Variants in C8orf74 observed in about 807,000 individuals in gnomAD.
C8orf74 encodes chromosome 8 open reading frame 74.
A neutral mutation model predicts 22.2 loss-of-function variants in C8orf74; 29 were observed. The observed-to-expected ratio is 1.31, with a 90% CI of 0.97 to 1.78. C8orf74 has a LOEUF of 1.78. Among genes scored for constraint, C8orf74 ranks in the 40% most tolerant of loss-of-function variants. C8orf74 has a pLI of 0.00. For missense variants in C8orf74, 515 were observed against 369.9 expected, an observed-to-expected ratio of 1.39 and a Z score of -3.22; for synonymous variants, 255 against 163.1, an observed-to-expected ratio of 1.56 and a Z score of -4.30.
intron 2 of C8orf74, chr8:10,691,339 G>A (rs772532179): frequency 7.0e-5 from 13 of 186,054 alleles, no homozygotes; most frequent in Non-Finnish European, 1.5e-4. Context: ...GAGCCTGGCA[G>A]ACTTCTCTTT....
At chr8:10,682,256 C>A (rs1267598121) in intron 2 of C8orf74, among the ~76,000 whole-genome samples, 1 of 152,182 alleles carries the variant, frequency 6.6e-6, no homozygotes, top group South Asian at 2.1e-4. Flanking sequence ...GTCTCCACAG[C>A]GGCCCTAGAT....
chr8:10,680,821 T>C (rs1429583638), intron 2 of C8orf74, among the ~76,000 whole-genome samples: 4 of 152,196 alleles, frequency 2.6e-5, no homozygotes, highest in Admixed American at 2.0e-4. Flanking sequence ...GTCAGGTCCC[T>C]GGCACATTCC....
At chr8:10,697,029 C>G (rs763539257) in intron 2 of C8orf74, among the ~76,000 whole-genome samples, 1 of 150,382 alleles carries the variant, frequency 6.6e-6, no homozygotes, top group Non-Finnish European at 1.5e-5. Flanking sequence ...ATCACATTTA[C>G]ATGATTATAC....
At chr8:10,696,654 G>A (rs146885742) in intron 2 of C8orf74, among the ~76,000 whole-genome samples, 3,186 of 151,734 alleles carry the variant, frequency 0.021, 115 homozygotes, top group African/African-American at 0.069. Context: ...TGCCATGTTG[G>A]CCAAGCTGGT....
chr8:10,695,609 G>A (rs1207953851), intron 2 of C8orf74, among the ~76,000 whole-genome samples: 1 of 152,160 alleles, frequency 6.6e-6, no homozygotes, highest in Non-Finnish European at 1.5e-5. Context: ...TCCATACAGA[G>A]CAAGACAGCC....
chr8:10,698,118 G>C (rs1799572723), intron 3 of C8orf74, 113 bp downstream of exon 3: 1 of 1,066,278 alleles, frequency 9.4e-7, no homozygotes, highest in African/African-American at 1.6e-5. Flanking sequence ...GAGGGGGAGA[G>C]ATGCAGGGAG....
chr8:10,688,694 G>A (rs1014926226), intron 2 of C8orf74: 2 of 152,310 alleles, frequency 1.3e-5, no homozygotes, highest in African/African-American at 4.8e-5. Context: ...GGCCAGTCCG[G>A]GCCCATCCTG....
intron 2 of C8orf74, among the ~76,000 whole-genome samples, chr8:10,694,202 G>A (rs1586049948): frequency 6.6e-6 from 1 of 152,092 alleles, no homozygotes; most frequent in Non-Finnish European, 1.5e-5. Flanking sequence ...CTGAGAGCAG[G>A]GGATATGACT....
At chr8:10,687,137 G>C (rs1381540165) in intron 2 of C8orf74, 1 of 456,316 alleles carries the variant, frequency 2.2e-6, no homozygotes, top group East Asian at 6.9e-5. Context: ...GCAGAGGCCT[G>C]ATGATGGCAA....
intron 2 of C8orf74, among the ~76,000 whole-genome samples, chr8:10,687,436 G>A (rs900363794): frequency 3.9e-5 from 6 of 152,020 alleles, no homozygotes; most frequent in African/African-American, 9.7e-5. Context: ...TATCACCTGA[G>A]ATCAGGAGTT....
Position 10,700,527 on chromosome 8 carries a change from C to G in C8orf74, c.*56C>G, listed in dbSNP as rs1275823766. Reference sequence around the variant, plus strand: ...GGGACCAGCCACCCATAACCATGAGCCTTGCGGCACGGTGAGCTCAGCACC... The same window carrying G: ...GGGACCAGCCACCCATAACCATGAGGCTTGCGGCACGGTGAGCTCAGCACC... On this transcript the variant is annotated 3_prime_UTR_variant, in exon 4 of 4. Coordinates refer to ENST00000304519, the MANE Select transcript of C8orf74 (RefSeq NM_001040032.2). The G allele has an allele frequency of 3.0e-5, 35 of 1,154,600 alleles. No homozygotes were observed. The highest frequency in any genetic ancestry group is 5.5e-5 in the Admixed American group (2 of 36,522). 71.5% of individuals were successfully genotyped at this position (1,154,600 alleles called of 1,614,324 possible).
rs777034726 is a variant in C8orf74, at chr8:10,700,294, G to C, written c.708G>C (p.Leu236=). 9.9e-6 allele frequency: 16 copies of C among 1,613,310 alleles called. No homozygotes were observed. In the Admixed American group the frequency reaches 2.7e-4, roughly 27 times the overall value. The part of the protein sequence containing the change: ...VHTQMELLQE[L]LQRQIQNTFA... ...CCCAGATGGAGCTCCTGCAGGAGCT[G>C]CTGCAGCGCCAGATCCAGAACACAT... The change falls in exon 4 of 4, where the codon CTG becomes CTC. Residue 236 remains leucine, a synonymous_variant. Transcript: ENST00000304519.
chr8:10,683,150 C>T (rs943604568), intron 2 of C8orf74, among the ~76,000 whole-genome samples: 6 of 152,196 alleles, frequency 3.9e-5, no homozygotes, highest in East Asian at 3.8e-4. Context: ...GGAGTGCAGA[C>T]GGAGCAACAC....
intron 2 of C8orf74, among the ~76,000 whole-genome samples, chr8:10,677,248 C>T (rs763257954): frequency 2.0e-5 from 3 of 152,184 alleles, no homozygotes; most frequent in African/African-American, 7.2e-5. Flanking sequence ...CCTACAGCTG[C>T]CTTCCGCCCC....
chr8:10,682,015 T>G (rs920586407), intron 2 of C8orf74, among the ~76,000 whole-genome samples: 1 of 152,244 alleles, frequency 6.6e-6, no homozygotes, highest in African/African-American at 2.4e-5. Context: ...ACAGTTCTTG[T>G]GGGGACACTC....
chr8:10,683,770 T>G (rs1289011456), intron 2 of C8orf74, among the ~76,000 whole-genome samples: 1 of 152,174 alleles, frequency 6.6e-6, no homozygotes, highest in Admixed American at 6.5e-5. Context: ...ATCCCGTCTT[T>G]CCGGTGTCTG....
chr8:10,697,636 C>T lies in C8orf74; in HGVS notation c.279C>T (p.Asn93=). ...CTGAGGCTGTGACGATCCTGGGGAA[C>T]AAGCTTAGAGATTACCGGGGCCATT... is the stretch of plus-strand genomic sequence containing the variant. The part of the protein sequence containing the change: ...SITEAVTILG[N]KLRDYRGHFN... Residue 93 remains asparagine (N), a synonymous_variant, in exon 3 of 4, where the codon AAC becomes AAT. Transcript: ENST00000304519. 1 of 1,613,966 alleles carries T rather than the reference C, an allele frequency of 6.2e-7. No homozygotes were observed. Among genetic ancestry groups the T allele is most frequent in the Non-Finnish European group, 8.5e-7 (1 of 1,179,870 alleles).
chr8:10,696,255 G>C (rs190614572), intron 2 of C8orf74, among the ~76,000 whole-genome samples: 18 of 152,100 alleles, frequency 1.2e-4, no homozygotes, highest in Non-Finnish European at 2.4e-4. Context: ...GAGGAGAGAA[G>C]TGGGGAGATG....
rs57041981 is a variant in C8orf74, at chr8:10,700,250, A to G, written c.664A>G (p.Ile222Val). Residue 222 changes from isoleucine (I) to valine (V), a missense_variant, in exon 4 of 4, where the codon ATC becomes GTC. Transcript: ENST00000304519. ...TTCCTTCCAGGAGTTGGAGAGCCTC[A>G]TCTGCCAGGCAGTCCACACCCAGAT... ...VLERQELESL[I>V]CQAVHTQMEL... 0.049 allele frequency: 78,539 copies of G among 1,598,770 alleles called. 17,474 individuals are homozygous for G. In the African/African-American group the frequency reaches 0.64, roughly 13 times the overall value.
Sources: gnomAD v4.1 joint callset for allele counts (sites outside exome capture counted in the v4.1 genomes callset) on GRCh38, gnomAD v4.1.1 for gene constraint, MANE v1.5 for transcripts, NCBI Gene and HGNC (gene_info 2026-07-23, HGNC 2026-07-21) for gene names.